Variants in RMDN2 observed in about 807,000 individuals in gnomAD.
RMDN2 encodes the protein regulator of microtubule dynamics 2.
Under a neutral mutation model 52.8 loss-of-function variants are expected in RMDN2, and 61 were observed. That is an observed-to-expected ratio of 1.16 (90% CI 0.94 to 1.43). RMDN2 has a LOEUF of 1.43. Ranked by LOEUF, RMDN2 falls within the 40% of genes most tolerant of loss-of-function variation. The pLI, the probability that RMDN2 is intolerant of heterozygous loss-of-function variation, is 0.00. For synonymous variants in RMDN2, 180 were observed against 153.1 expected, an observed-to-expected ratio of 1.18 and a Z score of -1.30; for missense variants, 592 against 475.3, an observed-to-expected ratio of 1.25 and a Z score of -2.28.
At chr2:38,010,756 C>T (rs531795703) in intron 10 of RMDN2, among the ~76,000 whole-genome samples, 16 of 152,306 alleles carry the variant, frequency 1.1e-4, no homozygotes, top group African/African-American at 1.4e-4. Flanking sequence ...GAGATGCACC[C>T]GGTACCTCAG....
At chr2:38,002,617 A>ATTTTG (rs1161040231) in intron 8 of RMDN2, among the ~76,000 whole-genome samples, 2 of 152,166 alleles carry the variant, frequency 1.3e-5, no homozygotes, top group Admixed American at 1.3e-4. Context: ...AAATGGTTCC[A>ATTTTG]TTTTGTTTTG....
intron 10 of RMDN2, among the ~76,000 whole-genome samples, chr2:38,014,232 C>T (rs911737764): frequency 5.3e-5 from 8 of 152,094 alleles, no homozygotes; most frequent in African/African-American, 1.9e-4. Flanking sequence ...ATTAATAAGG[C>T]TATTACAGTA....
At chr2:37,950,377 G>C in intron 2 of RMDN2, 2 of 1,447,714 alleles carry the variant, frequency 1.4e-6, no homozygotes, top group African/African-American at 1.4e-5. Context: ...AGAAAGGTGA[G>C]CTACAGAACA....
chr2:38,044,834 T>C (rs998025195), intron 10 of RMDN2, among the ~76,000 whole-genome samples: 1 of 152,144 alleles, frequency 6.6e-6, no homozygotes, highest in Non-Finnish European at 1.5e-5. Flanking sequence ...TATATAAATA[T>C]TATGAAATTC....
intron 10 of RMDN2, among the ~76,000 whole-genome samples, chr2:38,007,932 C>T (rs1208405163): frequency 6.6e-6 from 1 of 152,114 alleles, no homozygotes; most frequent in African/African-American, 2.4e-5. Flanking sequence ...TTTCAAAGAA[C>T]ATCTTTATTT....
chr2:38,016,289 C>G (rs1034094117), intron 10 of RMDN2, among the ~76,000 whole-genome samples: 1 of 152,124 alleles, frequency 6.6e-6, no homozygotes, highest in Non-Finnish European at 1.5e-5. Context: ...GGAGAGGAGC[C>G]CTTGGAATAT....
At chr2:38,032,605 C>T (rs756257764) in intron 10 of RMDN2, among the ~76,000 whole-genome samples, 12 of 152,110 alleles carry the variant, frequency 7.9e-5, no homozygotes, top group South Asian at 2.1e-4. Flanking sequence ...TTTGGGAGGC[C>T]GAGGCAGGCG....
At chr2:38,019,059 C>T (rs1483982222), downstream of RMDN2, among the ~76,000 whole-genome samples, 1 of 152,236 alleles carries the variant, frequency 6.6e-6, no homozygotes, top group Non-Finnish European at 1.5e-5. Context: ...AATGTTGAAA[C>T]TCTTGGCTAG....
At chr2:37,946,780 C>T (rs1490736990) in intron 2 of RMDN2, among the ~76,000 whole-genome samples, 1 of 151,944 alleles carries the variant, frequency 6.6e-6, no homozygotes, top group Non-Finnish European at 1.5e-5. Context: ...TGAATTGATC[C>T]AGATTTGGGG....
At chr2:38,012,530 G>A (rs1678149736) in intron 10 of RMDN2, 1 of 451,030 alleles carries the variant, frequency 2.2e-6, no homozygotes, top group Non-Finnish European at 4.5e-6. Flanking sequence ...AAGAAGGCTA[G>A]ACATTGGAAG....
At chr2:38,034,159 G>T (rs1047934439) in intron 10 of RMDN2, among the ~76,000 whole-genome samples, 1 of 152,184 alleles carries the variant, frequency 6.6e-6, no homozygotes, top group African/African-American at 2.4e-5. Flanking sequence ...AGGAGGTCAG[G>T]TTTCTTCCCA....
chr2:37,997,580 G>A (rs752400328), intron 8 of RMDN2, 66 bp downstream of exon 8: 28 of 1,043,214 alleles, frequency 2.7e-5, no homozygotes, highest in East Asian at 2.1e-4. Flanking sequence ...CCCTGCTGCC[G>A]TTGTCAAGGA....
intron 10 of RMDN2, among the ~76,000 whole-genome samples, chr2:38,027,668 A>T (rs185604127): frequency 6.5e-4 from 99 of 152,362 alleles, no homozygotes; most frequent in African/African-American, 2.3e-3. Flanking sequence ...TTTCAATAGT[A>T]ACCTTGTGCT....
downstream of RMDN2, among the ~76,000 whole-genome samples, chr2:38,022,367 C>T (rs543638428): frequency 5.9e-5 from 9 of 152,312 alleles, no homozygotes; most frequent in South Asian, 1.7e-3. Context: ...TCACTCACCA[C>T]TCATGGTGCT....
chr2:37,945,072 T>C (rs912965216), intron 2 of RMDN2, among the ~76,000 whole-genome samples: 1 of 152,176 alleles, frequency 6.6e-6, no homozygotes, highest in Non-Finnish European at 1.5e-5. Flanking sequence ...TTTATTAAGC[T>C]CAAGATAGTA....
intron 2 of RMDN2, among the ~76,000 whole-genome samples, chr2:37,931,576 A>AG (rs1666747678): frequency 6.6e-6 from 1 of 152,254 alleles, no homozygotes; most frequent in African/African-American, 2.4e-5. Context: ...ATCTAAAAGG[A>AG]CACTGGTTAA....
At chr2:37,957,168 A>T (rs562005729) in intron 2 of RMDN2, among the ~76,000 whole-genome samples, 1 of 152,224 alleles carries the variant, frequency 6.6e-6, no homozygotes. Context: ...TTGGGTATAT[A>T]TCCCGTTAAT....
At chr2:38,019,044 G>A (rs868683249), downstream of RMDN2, among the ~76,000 whole-genome samples, 3 of 152,180 alleles carry the variant, frequency 2.0e-5, no homozygotes, top group South Asian at 6.2e-4. Flanking sequence ...TCTGACAACT[G>A]GTCTAATGTT....
chr2:37,967,680 T>C (rs1413085934), intron 2 of RMDN2, among the ~76,000 whole-genome samples: 1 of 152,244 alleles, frequency 6.6e-6, no homozygotes, highest in Non-Finnish European at 1.5e-5. Context: ...ACCATGATGA[T>C]ACTCCTGCTC....
Sources: allele counts gnomAD v4.1 joint callset (sites outside exome capture counted in the v4.1 genomes callset), GRCh38; gene constraint gnomAD v4.1.1; transcripts MANE v1.5; gene names NCBI Gene and HGNC (gene_info 2026-07-23, HGNC 2026-07-21).